Variants in RAD18 observed in about 807,000 individuals in gnomAD.
RAD18 encodes E3 ubiquitin-protein ligase RAD18.
In RAD18, 47 loss-of-function variants were observed where a neutral mutation model predicts 60.4. The ratio of observed to expected loss-of-function variants is 0.78; its 90% CI spans 0.62 to 0.99. The LOEUF is 0.99. Among genes scored for constraint, RAD18 ranks in the 50% least tolerant of loss-of-function variants. RAD18 has a pLI of 0.00. For missense variants in RAD18, 640 were observed against 593.3 expected, an observed-to-expected ratio of 1.08 and a Z score of -0.82; for synonymous variants, 225 against 195.5, an observed-to-expected ratio of 1.15 and a Z score of -1.26.
At chr3:8,920,234 G>C (rs181186626) in intron 7 of RAD18, among the ~76,000 whole-genome samples, 1,514 of 146,866 alleles carry the variant, frequency 0.01, 21 homozygotes, top group Non-Finnish European at 0.014. Flanking sequence ...AGCCGAGATC[G>C]TGCCACTGCA....
At chr3:8,908,257 A>T (rs73128330) in intron 9 of RAD18, among the ~76,000 whole-genome samples, 6,017 of 149,000 alleles carry the variant, frequency 0.04, 405 homozygotes, top group African/African-American at 0.14. Context: ...CCAACCCCCA[A>T]CTATTCACTT....
intron 1 of RAD18, among the ~76,000 whole-genome samples, chr3:8,961,826 T>C (rs984504138): frequency 5.3e-5 from 8 of 152,248 alleles, no homozygotes; most frequent in African/African-American, 1.9e-4. Context: ...AGAGAAGACA[T>C]GGAACCCGCC....
At chr3:8,888,913 C>G (rs899999604) in intron 12 of RAD18, among the ~76,000 whole-genome samples, 1 of 152,100 alleles carries the variant, frequency 6.6e-6, no homozygotes, top group African/African-American at 2.4e-5. Flanking sequence ...GAACTCTGGG[C>G]TCATAGTCAC....
intron 9 of RAD18, among the ~76,000 whole-genome samples, chr3:8,905,837 G>A (rs575768054): frequency 2.6e-5 from 4 of 152,180 alleles, no homozygotes; most frequent in Admixed American, 2.6e-4. Flanking sequence ...CTCCCCATGT[G>A]GCCCCTCTTA....
chr3:8,889,558 T>G (rs1057330306), intron 12 of RAD18, among the ~76,000 whole-genome samples: 9 of 152,144 alleles, frequency 5.9e-5, no homozygotes, highest in African/African-American at 2.2e-4. Flanking sequence ...GAACTTGAGC[T>G]GCTGAGTAGG....
At chr3:8,911,799 G>A (rs895725985) in intron 9 of RAD18, among the ~76,000 whole-genome samples, 5 of 152,186 alleles carry the variant, frequency 3.3e-5, no homozygotes, top group Non-Finnish European at 1.5e-5. Context: ...ACCACACAAA[G>A]AGTAACAGCT....
At chr3:8,894,805 G>C (rs2125048502) in intron 11 of RAD18, among the ~76,000 whole-genome samples, 1 of 137,742 alleles carries the variant, frequency 7.3e-6, no homozygotes, top group Middle Eastern at 4.1e-3. Flanking sequence ...TTGTCACCCA[G>C]GCTGGAGTGC....
intron 7 of RAD18, among the ~76,000 whole-genome samples, chr3:8,926,371 A>C (rs1940434811): frequency 6.6e-6 from 1 of 152,238 alleles, no homozygotes; most frequent in Non-Finnish European, 1.5e-5. Flanking sequence ...GGACCTCTTC[A>C]AGGAGAACTA....
chr3:8,882,423 A>C (rs574795107), intron 12 of RAD18, among the ~76,000 whole-genome samples: 9 of 152,312 alleles, frequency 5.9e-5, no homozygotes, highest in African/African-American at 2.2e-4. Context: ...CACTGACACC[A>C]CGCAGAGGTT....
intron 7 of RAD18, among the ~76,000 whole-genome samples, chr3:8,929,577 T>C (rs1020666428): frequency 2.6e-5 from 4 of 152,020 alleles, no homozygotes; most frequent in African/African-American, 4.8e-5. Flanking sequence ...TGTAAATCAA[T>C]ACCACACCCA....
At chr3:8,895,946 T>C (rs1939775323) in intron 11 of RAD18, among the ~76,000 whole-genome samples, 2 of 152,372 alleles carry the variant, frequency 1.3e-5, no homozygotes, top group South Asian at 2.1e-4. Context: ...GATTTTAAAA[T>C]GTTTAGATCT....
At chr3:8,946,182 A>G (rs1940836559) in intron 4 of RAD18, among the ~76,000 whole-genome samples, 1 of 152,186 alleles carries the variant, frequency 6.6e-6, no homozygotes, top group Non-Finnish European at 1.5e-5. Flanking sequence ...TATCTTTTAT[A>G]CCATATTTTC....
At chr3:8,895,838 TA>T (rs1210703794) in intron 11 of RAD18, among the ~76,000 whole-genome samples, 2 of 152,214 alleles carry the variant, frequency 1.3e-5, no homozygotes, top group Non-Finnish European at 2.9e-5. Flanking sequence ...CAAACAAATA[TA>T]AGTATTCCTC....
Position 8,877,920 on chromosome 3 carries a change from C to T in RAD18, c.*3437G>A, listed in dbSNP as rs995819287. Reference sequence around the variant, plus strand: ...GGACGCTGTGGTCCGGGTGATAGTACACTAGCAAACCAGGAAAGCACACTC... The same window carrying T: ...GGACGCTGTGGTCCGGGTGATAGTATACTAGCAAACCAGGAAAGCACACTC... On this transcript the variant is annotated 3_prime_UTR_variant, in exon 13 of 13. Coordinates refer to ENST00000264926, the MANE Select transcript of RAD18 (RefSeq NM_020165.4). 1.3e-5 allele frequency: 2 copies of T among 152,226 alleles called. No homozygotes were observed. Among genetic ancestry groups the T allele is most frequent in the African/African-American group, 4.8e-5 (2 of 41,436 alleles). 9.4% of individuals were successfully genotyped at this position (152,226 alleles called of 1,614,324 possible).
chr3:8,912,061 C>A (rs1033946934), intron 9 of RAD18, among the ~76,000 whole-genome samples: 1 of 152,052 alleles, frequency 6.6e-6, no homozygotes, highest in Non-Finnish European at 1.5e-5. Context: ...GCTTTGAGAG[C>A]AGCTAATTAA....
At chr3:8,892,094 T>G (rs1939700631) in intron 11 of RAD18, among the ~76,000 whole-genome samples, 2 of 152,210 alleles carry the variant, frequency 1.3e-5, no homozygotes, top group African/African-American at 4.8e-5. Flanking sequence ...TCCTTTAACA[T>G]TCTTTCAAGA....
intron 2 of RAD18, among the ~76,000 whole-genome samples, chr3:8,952,878 T>C (rs1269490215): frequency 6.6e-6 from 1 of 152,130 alleles, no homozygotes; most frequent in Non-Finnish European, 1.5e-5. Context: ...TTATTAAAAA[T>C]TACAGATGCT....
At chr3:8,948,447 T>C in intron 3 of RAD18, 62 bp downstream of exon 3, 1 of 1,430,460 alleles carries the variant, frequency 7.0e-7, no homozygotes, top group South Asian at 1.2e-5. Context: ...CTTTTACGTA[T>C]ACACAAAGCA....
intron 12 of RAD18, among the ~76,000 whole-genome samples, chr3:8,883,204 C>G (rs45583334): frequency 0.014 from 2,122 of 152,202 alleles, 19 homozygotes; most frequent in Middle Eastern, 0.044. Context: ...AGAGAAAGAA[C>G]TATGGATAAT....
Sources: allele counts gnomAD v4.1 joint callset (sites outside exome capture counted in the v4.1 genomes callset), GRCh38; gene constraint gnomAD v4.1.1; transcripts MANE v1.5; gene names NCBI Gene and HGNC (gene_info 2026-07-23, HGNC 2026-07-21).